SKI: variants seen among roughly 807,000 people sequenced by gnomAD.
The protein encoded by SKI is ski oncogene.
SKI carries 23 observed loss-of-function variants against 59.3 expected under a neutral mutation model. The ratio of observed to expected loss-of-function variants is 0.39; its 90% CI spans 0.28 to 0.55. The LOEUF (loss-of-function observed/expected upper bound fraction) is 0.55, where lower values mean the gene tolerates loss of function less well. Among genes scored for constraint, SKI ranks in the 20% least tolerant of loss-of-function variants. The pLI is 0.67. For synonymous variants in SKI, 673 were observed against 488.6 expected (o/e 1.38, Z -4.98); for missense variants, 1,017 against 1,038.9 (o/e 0.98, Z 0.29).
chr1:2,235,637 G>A (rs1329061346), intron 1 of SKI, among the ~76,000 whole-genome samples: 1 of 152,218 alleles, frequency 6.6e-6, no homozygotes, highest in Non-Finnish European at 1.5e-5. Context: ...CTGCCTTGCT[G>A]GGGTGGCCTC....
At chr1:2,277,745 A>AACG (rs1639775682) in intron 1 of SKI, among the ~76,000 whole-genome samples, 1 of 150,274 alleles carries the variant, frequency 6.7e-6, no homozygotes, top group African/African-American at 2.5e-5. Flanking sequence ...ACCTGCACTC[A>AACG]CACATTCATC....
At chr1:2,261,835 A>G (rs1452241018) in intron 1 of SKI, among the ~76,000 whole-genome samples, 2 of 144,404 alleles carry the variant, frequency 1.4e-5, no homozygotes, top group East Asian at 2.1e-4. Context: ...AAGGCGTGGA[A>G]TCAGAGTTTG....
chr1:2,280,450 G>C (rs1639850591), intron 1 of SKI, among the ~76,000 whole-genome samples: 1 of 151,980 alleles, frequency 6.6e-6, no homozygotes. Flanking sequence ...GGGAAGGCCT[G>C]GTCTGCTGTA....
At chr1:2,246,630 C>T (rs1639002800) in intron 1 of SKI, among the ~76,000 whole-genome samples, 1 of 152,138 alleles carries the variant, frequency 6.6e-6, no homozygotes. Flanking sequence ...CCCACCCCTC[C>T]TTTGTGCGAG....
chr1:2,294,298 T>C (rs1272467762), intron 1 of SKI, among the ~76,000 whole-genome samples: 1 of 152,090 alleles, frequency 6.6e-6, no homozygotes, highest in Non-Finnish European at 1.5e-5. Flanking sequence ...CTAGAAAAGG[T>C]TTCATCTGGT....
chr1:2,272,838 C>A (rs527826314), intron 1 of SKI, among the ~76,000 whole-genome samples: 3 of 151,972 alleles, frequency 2.0e-5, no homozygotes, highest in Non-Finnish European at 4.4e-5. Flanking sequence ...GAGCCTCCCC[C>A]TCCCACGCCC....
chr1:2,302,036 CAG>C (rs772827111), intron 1 of SKI, among the ~76,000 whole-genome samples: 1 of 152,248 alleles, frequency 6.6e-6, no homozygotes, highest in African/African-American at 2.4e-5. Context: ...AGCACCGTCT[CAG>C]GGGTTTCCAG....
In SKI at chr1:2,306,725, A is replaced by T; in HGVS notation, c.2147A>T (p.Glu716Val). The T allele has an allele frequency of 6.5e-7, 1 of 1,533,710 alleles. No individual in the cohort carries two copies. The highest frequency in any genetic ancestry group is 8.8e-7 in the Non-Finnish European group (1 of 1,141,742). Residue 716 changes from glutamate to valine, a missense_variant, in exon 7 of 7, where the codon GAG (glutamate) becomes GTG (valine). Coordinates refer to ENST00000378536, the MANE Select transcript of SKI (RefSeq NM_003036.4). ...QEQLWPRARP[E>V]AAGSEGAAEL... ...CAGCTGTGGCCGCGGGCCCGCCCCG[A>T]GGCTGCGGGCAGCGAGGGCGCTGCG... is the stretch of plus-strand genomic sequence containing the variant.
At chr1:2,297,673 A>G (rs1228195487) in intron 1 of SKI, among the ~76,000 whole-genome samples, 1 of 152,224 alleles carries the variant, frequency 6.6e-6, no homozygotes, top group East Asian at 1.9e-4. Flanking sequence ...ATTGGCGCTC[A>G]CGGACTCACC....
intron 1 of SKI, among the ~76,000 whole-genome samples, chr1:2,239,512 G>T (rs183420735): frequency 6.6e-6 from 1 of 152,360 alleles, no homozygotes; most frequent in Admixed American, 6.5e-5. Context: ...GGGTGTAGCC[G>T]TTGGCGGCAC....
chr1:2,241,522 A>G (rs895375628), intron 1 of SKI, among the ~76,000 whole-genome samples: 1 of 152,080 alleles, frequency 6.6e-6, no homozygotes, highest in Admixed American at 6.5e-5. Context: ...CCTCCCGAGT[A>G]GCTGGGACTA....
chr1:2,267,312 C>A lies in SKI; in HGVS notation c.970-35666C>A, dbSNP rs188062103. ...CACGTACCACTCAGAATTCAGCTTG[C>A]GCGGGCTGCGGTGGAGTTCTGGGGT... On this transcript the variant is annotated intron_variant, in intron 1 of 6. Transcript: ENST00000378536. The surrounding 1 kb of genome is among the most constrained non-coding windows in gnomAD (Gnocchi z 4.1). Among the ~76,000 whole-genome samples the A allele has an allele frequency of 5.3e-5, 8 of 152,278 alleles. No homozygotes were observed. In the East Asian group the frequency reaches 1.5e-3, roughly 29 times the overall value.
chr1:2,263,410 G>A (rs956686986), intron 1 of SKI, among the ~76,000 whole-genome samples: 1 of 150,556 alleles, frequency 6.6e-6, no homozygotes, highest in African/African-American at 2.4e-5. Flanking sequence ...GCTAATTTTT[G>A]TATTTTTAAT....
chr1:2,266,859 C>G (rs1288103171), intron 1 of SKI, among the ~76,000 whole-genome samples: 1 of 152,166 alleles, frequency 6.6e-6, no homozygotes, highest in African/African-American at 2.4e-5. Flanking sequence ...GAAAGTTGCT[C>G]AGGGCCAAGT....
chr1:2,305,981 C>A, intron 5 of SKI, 39 bp from the exon 6 acceptor site: 1 of 1,462,672 alleles, frequency 6.8e-7, no homozygotes, highest in Non-Finnish European at 9.4e-7. Context: ...TGTGCTGGGA[C>A]CGGCTGGGCA....
intron 1 of SKI, among the ~76,000 whole-genome samples, chr1:2,230,166 C>T (rs560642428): frequency 2.0e-4 from 31 of 152,352 alleles, no homozygotes; most frequent in Admixed American, 3.9e-4. Context: ...TGGCTGTCCT[C>T]GCCCCGAAGG....
intron 1 of SKI, among the ~76,000 whole-genome samples, chr1:2,282,953 G>A (rs989166093): frequency 6.6e-6 from 1 of 152,356 alleles, no homozygotes; most frequent in South Asian, 2.1e-4. Flanking sequence ...CTGGGGTCCT[G>A]TGTGCACCTG....
chr1:2,272,301 A>C (rs760014334), intron 1 of SKI, among the ~76,000 whole-genome samples: 13 of 152,268 alleles, frequency 8.5e-5, no homozygotes, highest in Non-Finnish European at 1.9e-4. Flanking sequence ...GTTAAAAATT[A>C]AGCAAAACAC....
intron 1 of SKI, among the ~76,000 whole-genome samples, chr1:2,246,244 G>A (rs1256519952): frequency 2.0e-5 from 3 of 152,184 alleles, no homozygotes; most frequent in African/African-American, 7.2e-5. Flanking sequence ...GTGTGAGGTG[G>A]CATCTCATTG....
Sources: allele counts gnomAD v4.1 joint callset (sites outside exome capture counted in the v4.1 genomes callset), GRCh38; gene constraint gnomAD v4.1.1; non-coding constraint Gnocchi (gnomAD v3.1); transcripts MANE v1.5; gene names NCBI Gene and HGNC (gene_info 2026-07-23, HGNC 2026-07-21).